The following UBE2U variants were observed in gnomAD, a reference collection of about 807,000 sequenced individuals.
The protein encoded by UBE2U is ubiquitin-conjugating enzyme E2 U.
A neutral mutation model predicts 41.2 loss-of-function variants in UBE2U; 39 were observed. The ratio of observed to expected loss-of-function variants is 0.95; its 90% CI spans 0.73 to 1.24. The LOEUF is 1.24. Ranked by LOEUF, UBE2U falls within the 50% of genes most tolerant of loss-of-function variation. The pLI is 0.00. For missense variants in UBE2U, 336 were observed against 363.1 expected (o/e 0.93, Z 0.61); for synonymous variants, 107 against 117.8 (o/e 0.91, Z 0.60).
intron 4 of UBE2U, among the ~76,000 whole-genome samples, chr1:64,214,109 C>T (rs1651828101): frequency 6.6e-6 from 1 of 152,096 alleles, no homozygotes; most frequent in African/African-American, 2.4e-5. Flanking sequence ...CAAGTAACTT[C>T]CATATGGTTA....
chr1:64,240,960 A>G (rs959697561), intron 7 of UBE2U, among the ~76,000 whole-genome samples: 5 of 152,108 alleles, frequency 3.3e-5, no homozygotes, highest in African/African-American at 1.2e-4. Context: ...CAATAAATTT[A>G]AAGATCTAAT....
chr1:64,242,373 G>A (rs1199824457), intron 8 of UBE2U, among the ~76,000 whole-genome samples: 1 of 152,086 alleles, frequency 6.6e-6, no homozygotes, highest in Non-Finnish European at 1.5e-5. Context: ...TGTTGTGCTA[G>A]TCATTTTTTC....
At chr1:64,210,611 G>A in intron 3 of UBE2U, 131 bp from the exon 4 acceptor site, 1 of 587,946 alleles carries the variant, frequency 1.7e-6, no homozygotes. Flanking sequence ...GTGCTTCTCA[G>A]TACAGAGAGA....
intron 6 of UBE2U, among the ~76,000 whole-genome samples, chr1:64,230,063 G>T (rs1644526429): frequency 6.6e-6 from 1 of 152,178 alleles, no homozygotes; most frequent in South Asian, 2.1e-4. Context: ...ATATTTGACT[G>T]TAATATTCCT....
intron 4 of UBE2U, among the ~76,000 whole-genome samples, chr1:64,212,112 G>A (rs568360991): frequency 1.3e-5 from 2 of 152,166 alleles, no homozygotes; most frequent in African/African-American, 2.4e-5. Context: ...CTACAAATAT[G>A]TATTGAGGAT....
chr1:64,208,456 T>A (rs991488434), intron 3 of UBE2U, among the ~76,000 whole-genome samples: 6 of 151,206 alleles, frequency 4.0e-5, no homozygotes, highest in African/African-American at 1.5e-4. Flanking sequence ...AATAAAAAAA[T>A]TAGCTTGGCA....
At chr1:64,249,032 T>C (rs1355194485) in intron 8 of UBE2U, among the ~76,000 whole-genome samples, 1 of 152,072 alleles carries the variant, frequency 6.6e-6, no homozygotes, top group East Asian at 1.9e-4. Context: ...ATAACAAAAT[T>C]TAGCACCTAA....
At chr1:64,220,582 G>C (rs896699435) in intron 5 of UBE2U, among the ~76,000 whole-genome samples, 7 of 152,104 alleles carry the variant, frequency 4.6e-5, no homozygotes, top group Admixed American at 2.6e-4. Flanking sequence ...CTGTTTCACA[G>C]GTTCTGAAGT....
chr1:64,258,384 CATA>C (rs900237954), intron 8 of UBE2U, among the ~76,000 whole-genome samples: 1 of 151,944 alleles, frequency 6.6e-6, no homozygotes, highest in African/African-American at 2.4e-5. Context: ...AGGTTTGTTA[CATA>C]GGTATACATG....
chr1:64,240,610 G>A (rs561600053), intron 7 of UBE2U, among the ~76,000 whole-genome samples: 1 of 152,266 alleles, frequency 6.6e-6, no homozygotes, highest in South Asian at 2.1e-4. Context: ...ATCAAGCAAG[G>A]TCTTTAATGT....
chr1:64,261,420 A>T (rs928518947), intron 9 of UBE2U, among the ~76,000 whole-genome samples: 2 of 152,194 alleles, frequency 1.3e-5, no homozygotes, highest in African/African-American at 2.4e-5. Context: ...TTGTGAACTG[A>T]AAAGTACAAA....
intron 8 of UBE2U, among the ~76,000 whole-genome samples, chr1:64,249,678 G>C (rs1450216445): frequency 2.0e-5 from 3 of 151,630 alleles, no homozygotes; most frequent in Non-Finnish European, 4.4e-5. Flanking sequence ...AGACACTGCA[G>C]AAGAAATGAC....
intron 7 of UBE2U, among the ~76,000 whole-genome samples, chr1:64,238,461 A>C (rs534615441): frequency 6.6e-6 from 1 of 152,026 alleles, no homozygotes; most frequent in East Asian, 1.9e-4. Flanking sequence ...TATTATAATC[A>C]TCTAAAGGAA....
In UBE2U at chr1:64,239,054, GA is replaced by G. The variant is rs1334366241; in HGVS notation, c.596-2596del. ...GAGACCCCCATCTCAAAAAGAAGAA[GA>G]AGAAGAAGAAGAGGAAGAGGAAGAG... is the stretch of plus-strand genomic sequence containing the variant. On this transcript the variant is annotated intron_variant, in intron 7 of 9. Transcript: ENST00000371077. 1.4e-3 allele frequency among the ~76,000 whole-genome samples: 87 copies of G among 60,406 alleles called. 2 individuals carry two copies. Among genetic ancestry groups the G allele is most frequent in the Admixed American group, 2.2e-3 (11 of 5,000 alleles). 39.6% of individuals were successfully genotyped at this position (60,406 alleles called of 152,430 possible).
intron 3 of UBE2U, among the ~76,000 whole-genome samples, 175 bp downstream of exon 3, chr1:64,207,031 AAG>A (rs1218848499): frequency 2.6e-5 from 4 of 152,236 alleles, no homozygotes; most frequent in African/African-American, 9.6e-5. Context: ...TCCTAATGCA[AAG>A]AGAAAATACT....
At chr1:64,235,255 G>A (rs962277637) in intron 7 of UBE2U, among the ~76,000 whole-genome samples, 2 of 152,178 alleles carry the variant, frequency 1.3e-5, no homozygotes, top group Non-Finnish European at 2.9e-5. Flanking sequence ...ACTGGCCATT[G>A]TTATCTCTAG....
At chr1:64,235,887 C>T (rs1012458248) in intron 7 of UBE2U, among the ~76,000 whole-genome samples, 2 of 152,034 alleles carry the variant, frequency 1.3e-5, no homozygotes, top group African/African-American at 2.4e-5. Flanking sequence ...ATGTCGTGCA[C>T]GGTGGTATAT....
At chr1:64,252,168 C>A (rs1463008848) in intron 8 of UBE2U, among the ~76,000 whole-genome samples, 2 of 152,126 alleles carry the variant, frequency 1.3e-5, no homozygotes, top group Non-Finnish European at 2.9e-5. Flanking sequence ...AAGCGAGATC[C>A]CAGTCCATTC....
At chr1:64,249,344 C>T (rs772686451) in intron 8 of UBE2U, among the ~76,000 whole-genome samples, 9 of 144,972 alleles carry the variant, frequency 6.2e-5, no homozygotes, top group Non-Finnish European at 1.3e-4. Flanking sequence ...TGCCATTGCA[C>T]TCCAGCCTGG....
Sources: allele counts gnomAD v4.1 joint callset (sites outside exome capture counted in the v4.1 genomes callset), GRCh38; gene constraint gnomAD v4.1.1; transcripts MANE v1.5; gene names NCBI Gene and HGNC (gene_info 2026-07-23, HGNC 2026-07-21).